The following GPSM1 variants were observed in gnomAD, a reference collection of about 807,000 sequenced individuals.
GPSM1 encodes the protein G protein-signaling modulator 1.
GPSM1 carries 48 observed loss-of-function variants against 70.5 expected under a neutral mutation model. The observed-to-expected ratio is 0.68, with a 90% confidence interval of 0.54 to 0.87. The LOEUF is 0.87. GPSM1 is among the 40% of genes least tolerant of loss of function. The pLI, the probability that GPSM1 is intolerant of heterozygous loss-of-function variation, is 0.00. For missense variants in GPSM1, 981 were observed against 972.6 expected, an observed-to-expected ratio of 1.01 and a Z score of -0.11; for synonymous variants, 416 against 430.1, an observed-to-expected ratio of 0.97 and a Z score of 0.41.
At chr9:136,335,509 G>A (rs1554769073) in intron 2 of GPSM1, among the ~76,000 whole-genome samples, 1 of 152,122 alleles carries the variant, frequency 6.6e-6, no homozygotes, top group Non-Finnish European at 1.5e-5. Context: ...CTCCCGCACT[G>A]GCCAGTGAGC....
At chr9:136,353,755 C>T (rs1299324298) in intron 11 of GPSM1, among the ~76,000 whole-genome samples, 2 of 152,218 alleles carry the variant, frequency 1.3e-5, no homozygotes, top group African/African-American at 2.4e-5. Context: ...CAGATTGGGC[C>T]AGAGGCAGAG....
At position 136,358,175 on chromosome 9, in the gene GPSM1, C is replaced by T. The variant is rs371538279; in HGVS notation, c.1983C>T (p.Gly661=). Residue 661 remains glycine, a synonymous_variant, in exon 14 of 14, where the codon GGC becomes GGT. Transcript: ENST00000440944. Reference sequence around the variant, plus strand: ...CCGGGGGCCCGGAGCAGGGGGCAGGCGGCCCGCCCGAGCCCCAGCAGCAGT... The same window carrying T: ...CCGGGGGCCCGGAGCAGGGGGCAGGTGGCCCGCCCGAGCCCCAGCAGCAGT... ...DLAGGPEQGA[G]GPPEPQQQCQ... 405 of 1,575,088 alleles carry T rather than the reference C, an allele frequency of 2.6e-4. 3 individuals carry two copies. The South Asian group carries it at 3.7e-3, about 14-fold the overall frequency.
chr9:136,342,403 G>A lies in GPSM1; in HGVS notation c.1207+1410G>A, dbSNP rs1254580050. Among the ~76,000 whole-genome samples the A allele has an allele frequency of 1.3e-5, 2 of 152,184 alleles. No individual in the cohort carries two copies. The highest frequency in any genetic ancestry group is 1.9e-4 in the East Asian group (1 of 5,180). On this transcript the variant is annotated intron_variant, in intron 9 of 13. Transcript: ENST00000440944. This position sits in a 1 kb window ranked among gnomAD's most constrained non-coding sequence, Gnocchi z 5.5. The stretch of plus-strand genomic sequence containing the variant: ...AAAAGGGGGGCCGGAGTGGGAGGAC[G>A]CTGGAACAATGCAGCTTCTGTCCCT...
chr9:136,347,205 A>T (rs2131407133), intron 9 of GPSM1, among the ~76,000 whole-genome samples: 1 of 152,044 alleles, frequency 6.6e-6, no homozygotes, highest in Non-Finnish European at 1.5e-5. Flanking sequence ...TCTGATGAGG[A>T]GGGCGCTGAG....
In GPSM1 at chr9:136,332,765, C is replaced by T. The variant is rs571541173; in HGVS notation, c.69-1682C>T. 6.7e-4 allele frequency among the ~76,000 whole-genome samples: 101 copies of T among 149,844 alleles called. 1 individual carries two copies. Among genetic ancestry groups the T allele is most frequent in the African/African-American group, 2.4e-3 (98 of 40,466 alleles). On this transcript the variant is annotated intron_variant, in intron 1 of 13. Transcript: ENST00000440944. ...AGGTAGTGGGTGGGAGGGCCTGGCC[C>T]TGAGGTGAGAGGATCACTTGAGCTC... is the stretch of plus-strand genomic sequence containing the variant.
chr9:136,339,618 A>C, intron 7 of GPSM1, 89 bp from the exon 8 acceptor site: 1 of 897,128 alleles, frequency 1.1e-6, no homozygotes, highest in Non-Finnish European at 1.8e-6. Flanking sequence ...AGCCAGGGTC[A>C]TGCTGGGGCC....
intron 1 of GPSM1, among the ~76,000 whole-genome samples, chr9:136,332,474 T>C (rs1832124256): frequency 6.6e-6 from 1 of 152,200 alleles, no homozygotes; most frequent in African/African-American, 2.4e-5. Flanking sequence ...AGCAGCAGCG[T>C]CTGGGCTCCA....
Position 136,356,442 on chromosome 9 carries a change from C to T in GPSM1, c.1713C>T (p.Gly571=), listed in dbSNP as rs1554773183. The change falls in exon 13 of 14, where the codon GGC becomes GGT. Residue 571 remains glycine (G), a synonymous_variant. Transcript: ENST00000440944. The part of the protein sequence containing the change: ...RRLDDQRASV[G]SLPGLRITHS... Reference sequence around the variant, plus strand: ...TGGACGACCAGCGGGCCAGCGTGGGCAGCCTGCCGGGGCTGCGAATCACCC... The same window carrying T: ...TGGACGACCAGCGGGCCAGCGTGGGTAGCCTGCCGGGGCTGCGAATCACCC... 1 of 1,610,942 alleles carries T rather than the reference C, an allele frequency of 6.2e-7. No homozygotes were observed. Among genetic ancestry groups the T allele is most frequent in the Admixed American group, 1.7e-5 (1 of 59,884 alleles).
At chr9:136,337,116 C>G in intron 4 of GPSM1, 44 bp downstream of exon 4, 2 of 1,488,854 alleles carry the variant, frequency 1.3e-6, no homozygotes, top group Non-Finnish European at 1.8e-6. Flanking sequence ...CTGGCCTGTG[C>G]GTTTCTGAGC....
intron 13 of GPSM1, among the ~76,000 whole-genome samples, chr9:136,357,366 A>G (rs953878827): frequency 1.3e-5 from 2 of 152,120 alleles, no homozygotes; most frequent in Non-Finnish European, 2.9e-5. Flanking sequence ...CAGGCGTCCG[A>G]CCAGCCACCT....
At position 136,345,140 on chromosome 9, in the gene GPSM1, G is replaced by T. The variant is rs1393291879; in HGVS notation, c.1208-3557G>T. The stretch of plus-strand genomic sequence containing the variant: ...GGTCTGAGCCAAGCCGGCGGGGCGG[G>T]TGCTGCCCTGAGGGGTCCGGCAGGC... On this transcript the variant is annotated intron_variant, in intron 9 of 13. Coordinates refer to ENST00000440944, the MANE Select transcript of GPSM1 (RefSeq NM_001145638.3). Among the ~76,000 whole-genome samples the T allele has an allele frequency of 2.6e-5, 4 of 152,358 alleles. No homozygotes were observed. In the East Asian group the frequency reaches 7.7e-4, roughly 29 times the overall value.
At chr9:136,331,706 G>A (rs1832104690) in intron 1 of GPSM1, among the ~76,000 whole-genome samples, 1 of 152,336 alleles carries the variant, frequency 6.6e-6, no homozygotes, top group East Asian at 1.9e-4. Context: ...ACTGACGGGA[G>A]GGCAATGCCG....
At position 136,327,636 on chromosome 9, in the gene GPSM1, G is replaced by T; in HGVS notation, c.-60G>T. On this transcript the variant is annotated 5_prime_UTR_variant, in exon 1 of 14. The change creates a new upstream start codon in the 5' untranslated region. Coordinates refer to ENST00000440944, the MANE Select transcript of GPSM1 (RefSeq NM_001145638.3). ...AGCAGGGAGGACAGCAGGGCGGGCA[G>T]GGGGCGGACGGCCACGGCGCGGGGG... 4.7e-6 allele frequency: 2 copies of T among 425,476 alleles called. No homozygotes were observed. Among genetic ancestry groups the T allele is most frequent in the Non-Finnish European group, 6.6e-6 (2 of 305,170 alleles). 26.4% of individuals were successfully genotyped at this position (425,476 alleles called of 1,614,324 possible). A position where few individuals can be genotyped will look rare whatever the true frequency, so the allele number is the denominator to read the frequency against.
rs1263385252 is a variant in GPSM1 at position 136,335,906 on chromosome 9, C to T, written c.291-60C>T. ...TACCCCACCCCATGCTCAGCCTCCC[C>T]CCGGGCCCAGAGGCCTGACCAGTCC... On this transcript the variant is annotated intron_variant, in intron 2 of 13. Transcript: ENST00000440944. 5 of 1,565,386 alleles carry T rather than the reference C, an allele frequency of 3.2e-6. No homozygotes were observed. The African/African-American group carries it at 4.0e-5, about 13-fold the overall frequency.
intron 11 of GPSM1, chr9:136,354,849 C>T (rs1394348610): frequency 1.4e-5 from 14 of 1,000,910 alleles, no homozygotes; most frequent in Non-Finnish European, 1.7e-5. Context: ...GCAGGGCTGA[C>T]ACAGGGTGTG....
Position 136,334,629 on chromosome 9 carries a change from G to A in GPSM1, c.251G>A (p.Arg84Gln), listed in dbSNP as rs782695513. 16 of 1,612,464 alleles carry A rather than the reference G, an allele frequency of 9.9e-6. No individual in the cohort carries two copies. Among genetic ancestry groups the A allele is most frequent in the African/African-American group, 1.3e-5 (1 of 74,930 alleles). Residue 84 changes from arginine to glutamine, a missense_variant, in exon 2 of 14, where the codon CGG becomes CAG. Physicochemically the swap from Arg to Gln is conservative, Grantham distance 43. Coordinates refer to ENST00000440944, the MANE Select transcript of GPSM1 (RefSeq NM_001145638.3). ...NAYFYLKEHG[R>Q]ALEYHKHDLL... ...TACTTCTACCTGAAGGAGCACGGCC[G>A]GGCGCTGGAATACCACAAGCATGAC...
intron 1 of GPSM1, 25 bp downstream of exon 1, chr9:136,327,788 G>C (rs1588685692): frequency 2.9e-6 from 3 of 1,036,988 alleles, no homozygotes; most frequent in Middle Eastern, 3.7e-4. Flanking sequence ...GGCCGGGGCC[G>C]GGGCCGGGGC....
At position 136,343,099 on chromosome 9, in the gene GPSM1, A is replaced by G. The variant is rs1832435709; in HGVS notation, c.1207+2106A>G. Among the ~76,000 whole-genome samples, 1 of 152,078 alleles carries G rather than the reference A, an allele frequency of 6.6e-6. No individual in the cohort carries two copies. The highest frequency in any genetic ancestry group is 6.5e-5 in the Admixed American group (1 of 15,288). Reference sequence around the variant, plus strand: ...CTGGCCCCTCCCCAGCCAGCAGAGAAGCCCCAGAAGTGTGTCTGGGGGTCA... The same window carrying G: ...CTGGCCCCTCCCCAGCCAGCAGAGAGGCCCCAGAAGTGTGTCTGGGGGTCA... On this transcript the variant is annotated intron_variant, in intron 9 of 13. Transcript: ENST00000440944. This position sits in a 1 kb window ranked among gnomAD's most constrained non-coding sequence, Gnocchi z 6.0.
At position 136,345,467 on chromosome 9, in the gene GPSM1, C is replaced by T. The variant is rs190077287; in HGVS notation, c.1208-3230C>T. ...CGCAGCGGGCCTTCCGCCCACCGTC[C>T]GTGCCTGGCCATGAGGGCGCCCGCC... On this transcript the variant is annotated intron_variant, in intron 9 of 13. Coordinates refer to ENST00000440944, the MANE Select transcript of GPSM1 (RefSeq NM_001145638.3). Among the ~76,000 whole-genome samples the T allele has an allele frequency of 2.5e-3, 374 of 152,348 alleles. 1 individual carries two copies. The highest frequency in any genetic ancestry group is 8.6e-3 in the African/African-American group (356 of 41,572).
Sources: gnomAD v4.1 joint callset for allele counts (sites outside exome capture counted in the v4.1 genomes callset) on GRCh38, gnomAD v4.1.1 for gene constraint, Gnocchi (gnomAD v3.1) non-coding constraint, MANE v1.5 for transcripts, NCBI Gene and HGNC (gene_info 2026-07-23, HGNC 2026-07-21) for gene names.